ZNF98: variants seen among roughly 807,000 people sequenced by gnomAD.
ZNF98 encodes zinc finger protein 98, also known as zinc finger protein 739.
In ZNF98, 8 loss-of-function variants were observed where a neutral mutation model predicts 12.8. The ratio of observed to expected loss-of-function variants is 0.63; its 90% CI spans 0.37 to 1.13. The LOEUF is 1.13. Among genes scored for constraint, ZNF98 ranks in the 50% most tolerant of loss-of-function variants. The probability of loss-of-function intolerance (pLI) is 0.01; values close to 1 mark genes in which losing one functional copy is unlikely to be tolerated. For synonymous variants in ZNF98, 112 were observed against 223.5 expected, an observed-to-expected ratio of 0.50 and a Z score of 4.45; for missense variants, 379 against 666.1, an observed-to-expected ratio of 0.57 and a Z score of 4.74.
At chr19:22,395,526 C>CAGT (rs781686852) in intron 3 of ZNF98, among the ~76,000 whole-genome samples, 1 of 151,676 alleles carries the variant, frequency 6.6e-6, no homozygotes, top group Non-Finnish European at 1.5e-5. Context: ...AACAGGAACA[C>CAGT]AGTCCACTGT....
chr19:22,410,773 G>A (rs982886618), intron 1 of ZNF98, among the ~76,000 whole-genome samples: 13 of 152,174 alleles, frequency 8.5e-5, no homozygotes, highest in African/African-American at 2.7e-4. Context: ...ATGTGATTCT[G>A]CAGGTATGGA....
intron 3 of ZNF98, among the ~76,000 whole-genome samples, chr19:22,393,956 C>T (rs576598352): frequency 1.1e-4 from 17 of 151,058 alleles, no homozygotes; most frequent in Admixed American, 5.3e-4. Context: ...GGCAAACATC[C>T]AGAATCTACA....
intron 1 of ZNF98, among the ~76,000 whole-genome samples, chr19:22,405,480 G>T (rs537111956): frequency 1.3e-5 from 2 of 152,214 alleles, no homozygotes; most frequent in South Asian, 4.2e-4. Context: ...ACCCACCTGA[G>T]AGCCATACGG....
In ZNF98 at chr19:22,392,621, C is replaced by T. The variant is rs756115689; in HGVS notation, c.614G>A (p.Ser205Asn). ...TTTACATTTGTAGGGTTTCTCTCCA[C>T]TATGAATTCTTTTATGTTGAGCTAA... ...SHLAQHKRIH[S>N]GEKPYKCKEC... Residue 205 changes from serine (S) to asparagine (N), a missense_variant, in exon 4 of 4, where the codon AGT becomes AAT. By Grantham distance (46) the Ser-to-Asn change is conservative (BLOSUM62 1). Coordinates refer to ENST00000357774, the MANE Select transcript of ZNF98 (RefSeq NM_001098626.2). 5.0e-6 allele frequency: 8 copies of T among 1,596,918 alleles called. No individual in the cohort carries two copies. Among genetic ancestry groups the T allele is most frequent in the Admixed American group, 3.5e-5 (2 of 56,860 alleles).
At chr19:22,410,004 G>T (rs1568295190) in intron 1 of ZNF98, among the ~76,000 whole-genome samples, 1 of 151,118 alleles carries the variant, frequency 6.6e-6, no homozygotes, top group Non-Finnish European at 1.5e-5. Flanking sequence ...ATGAAAAGAT[G>T]CTCAATACCA....
At chr19:22,406,939 T>C (rs946772645) in intron 1 of ZNF98, among the ~76,000 whole-genome samples, 20 of 152,076 alleles carry the variant, frequency 1.3e-4, no homozygotes, top group African/African-American at 2.9e-4. Context: ...GATAGACAAA[T>C]TGACAGAAGT....
intron 3 of ZNF98, among the ~76,000 whole-genome samples, chr19:22,395,593 A>G (rs1969382637): frequency 6.6e-6 from 1 of 152,128 alleles, no homozygotes; most frequent in African/African-American, 2.4e-5. Flanking sequence ...AAAAAAAACA[A>G]TTTGGTGGTA....
intron 3 of ZNF98, among the ~76,000 whole-genome samples, chr19:22,401,212 A>C (rs374961404): frequency 6.6e-6 from 1 of 151,320 alleles, no homozygotes; most frequent in East Asian, 1.9e-4. Context: ...TAAACAGTAC[A>C]TTTAAAACCT....
At chr19:22,415,252 A>T (rs1345218320) in intron 1 of ZNF98, among the ~76,000 whole-genome samples, 1 of 152,228 alleles carries the variant, frequency 6.6e-6, no homozygotes, top group Admixed American at 6.5e-5. Flanking sequence ...AGGAATGCTT[A>T]TACCAGTGGG....
chr19:22,421,620 C>A (rs1969705002), intron 1 of ZNF98, among the ~76,000 whole-genome samples: 1 of 152,104 alleles, frequency 6.6e-6, no homozygotes, highest in Admixed American at 6.5e-5. Context: ...TAAGAAACTA[C>A]GTAAATGTAC....
chr19:22,415,974 C>G (rs915008127), intron 1 of ZNF98, among the ~76,000 whole-genome samples: 4 of 147,486 alleles, frequency 2.7e-5, no homozygotes, highest in African/African-American at 1.0e-4. Flanking sequence ...CACACACACA[C>G]ACACACACAC....
chr19:22,406,706 A>C (rs1313680456), intron 1 of ZNF98, among the ~76,000 whole-genome samples: 2 of 151,998 alleles, frequency 1.3e-5, no homozygotes, highest in Non-Finnish European at 2.9e-5. Context: ...AGTCCCAGTT[A>C]CTTGGGAGGC....
chr19:22,416,824 T>TAC (rs35593482), intron 1 of ZNF98, among the ~76,000 whole-genome samples: 150 of 150,554 alleles, frequency 1.0e-3, no homozygotes, highest in Middle Eastern at 3.4e-3. Context: ...CACACACACA[T>TAC]ACACACACAC....
intron 1 of ZNF98, among the ~76,000 whole-genome samples, chr19:22,408,614 T>C (rs1259988810): frequency 2.6e-5 from 4 of 152,180 alleles, no homozygotes; most frequent in Admixed American, 2.6e-4. Flanking sequence ...ACAAAATCAA[T>C]GTGCAAAAAT....
chr19:22,418,811 C>T (rs897686179), intron 1 of ZNF98, among the ~76,000 whole-genome samples: 5 of 152,264 alleles, frequency 3.3e-5, no homozygotes, highest in African/African-American at 9.6e-5. Context: ...GAACCCAGGA[C>T]GCAGAGGTTG....
intron 3 of ZNF98, among the ~76,000 whole-genome samples, chr19:22,400,068 C>T (rs546695523): frequency 2.2e-3 from 334 of 152,280 alleles, no homozygotes; most frequent in African/African-American, 7.5e-3. Context: ...TTCTTGGCTA[C>T]AGACCAGAAA....
chr19:22,418,847 G>A lies in ZNF98; in HGVS notation c.30+3348C>T, dbSNP rs577675586. Among the ~76,000 whole-genome samples the A allele has an allele frequency of 1.4e-4, 21 of 152,276 alleles. No homozygotes were observed. The South Asian group carries it at 2.9e-3, about 21-fold the overall frequency. On this transcript the variant is annotated intron_variant, in intron 1 of 3. Coordinates refer to ENST00000357774, the MANE Select transcript of ZNF98 (RefSeq NM_001098626.2). ...CAGTGAGTGATCGCACCACTGCACC[G>A]CAGCCTGGGTGACAGAGCAAGACTC... is the stretch of plus-strand genomic sequence containing the variant.
chr19:22,399,151 C>T (rs1252292848), intron 3 of ZNF98, among the ~76,000 whole-genome samples: 2 of 152,120 alleles, frequency 1.3e-5, no homozygotes, highest in Non-Finnish European at 2.9e-5. Flanking sequence ...TAAATGTTTA[C>T]TCATAAAATC....
In ZNF98 at chr19:22,392,861, T is replaced by G. The variant is rs1293684814; in HGVS notation, c.374A>C (p.Tyr125Ser). Reference sequence around the variant, plus strand: ...CTTACACTCATCCATGCTTTTACAGTATTTTCTTAACTGTAAATTTTCACG... The same window carrying G: ...CTTACACTCATCCATGCTTTTACAGGATTTTCTTAACTGTAAATTTTCACG... ...CGRENLQLRK[Y>S]CKSMDECKVH... The change falls in exon 4 of 4, where the codon TAC (tyrosine) becomes TCC (serine). Residue 125 changes from tyrosine to serine, a missense_variant. Tyr to Ser is a moderately radical substitution (Grantham distance 144). This residue lies in a region of ZNF98 where 223 missense variants were observed against 261.6 expected (regional missense o/e 0.85). Coordinates refer to ENST00000357774, the MANE Select transcript of ZNF98 (RefSeq NM_001098626.2). 6.2e-7 allele frequency: 1 copy of G among 1,609,476 alleles called. No homozygotes were observed. Among genetic ancestry groups the G allele is most frequent in the Admixed American group, 1.7e-5 (1 of 58,806 alleles).
Sources: gnomAD v4.1 joint callset for allele counts (sites outside exome capture counted in the v4.1 genomes callset) on GRCh38, gnomAD v4.1.1 for gene constraint, gnomAD v4.1.1 regional missense constraint, MANE v1.5 for transcripts, NCBI Gene and HGNC (gene_info 2026-07-23, HGNC 2026-07-21) for gene names.